Variants in PIBF1 observed in about 807,000 individuals in gnomAD.
PIBF1 encodes progesterone immunomodulatory binding factor 1.
PIBF1 carries 90 observed loss-of-function variants against 112.5 expected under a neutral mutation model. The ratio of observed to expected loss-of-function variants is 0.80; its 90% CI spans 0.67 to 0.95. The LOEUF is 0.95. Among genes scored for constraint, PIBF1 ranks in the 40% least tolerant of loss-of-function variants. The probability of loss-of-function intolerance (pLI) is 0.00; values close to 1 mark genes in which losing one functional copy is unlikely to be tolerated. For missense variants in PIBF1, 915 were observed against 852.3 expected (o/e 1.07, Z -0.92); for synonymous variants, 301 against 288.6 (o/e 1.04, Z -0.44).
At chr13:72,965,617 TAAC>T (rs2042720875) in intron 15 of PIBF1, among the ~76,000 whole-genome samples, 1 of 152,166 alleles carries the variant, frequency 6.6e-6, no homozygotes, top group African/African-American at 2.4e-5. Context: ...AGCATGGAAA[TAAC>T]AATGTTACAC....
chr13:72,995,635 C>A (rs1382001644), intron 16 of PIBF1, among the ~76,000 whole-genome samples: 1 of 152,030 alleles, frequency 6.6e-6, no homozygotes, highest in East Asian at 1.9e-4. Context: ...AAACTTTAAA[C>A]CAATCAAAGA....
At chr13:72,878,133 A>G (rs1048320552) in intron 10 of PIBF1, among the ~76,000 whole-genome samples, 3 of 151,768 alleles carry the variant, frequency 2.0e-5, no homozygotes, top group African/African-American at 7.3e-5. Flanking sequence ...TTTTTTTTCA[A>G]AGAACCACTT....
intron 14 of PIBF1, among the ~76,000 whole-genome samples, chr13:72,937,547 C>T (rs1026285581): frequency 1.3e-5 from 2 of 152,140 alleles, no homozygotes; most frequent in Admixed American, 1.3e-4. Flanking sequence ...AGGCTGGGCA[C>T]AGTGGCTCAT....
chr13:72,915,500 A>G (rs1162890565), intron 12 of PIBF1, among the ~76,000 whole-genome samples: 3 of 152,196 alleles, frequency 2.0e-5, no homozygotes, highest in Non-Finnish European at 2.9e-5. Context: ...CACATTTAGC[A>G]TGTCCATTAA....
rs987974976 is a variant in PIBF1 at position 72,893,933 on chromosome 13, A to G, written c.1472A>G (p.Tyr491Cys). Residue 491 changes from tyrosine to cysteine, a missense_variant, in exon 11 of 18, where the codon TAT (tyrosine) becomes TGT (cysteine). Tyr to Cys is a radical substitution (Grantham distance 194, BLOSUM62 -2). Coordinates refer to ENST00000326291, the MANE Select transcript of PIBF1 (RefSeq NM_006346.4). ...LTQCQLECEK[Y>C]QKKLEVLTKE... ...CAGTGTCAATTGGAATGTGAAAAAT[A>G]TCAGAAAAAATTGGAGGTACATGTA... is the stretch of plus-strand genomic sequence containing the variant. 3.8e-6 allele frequency: 6 copies of G among 1,598,316 alleles called. No individual in the cohort carries two copies. The highest frequency in any genetic ancestry group is 5.1e-6 in the Non-Finnish European group (6 of 1,173,058).
intron 5 of PIBF1, among the ~76,000 whole-genome samples, chr13:72,806,205 T>A (rs1182812016): frequency 6.6e-6 from 1 of 152,102 alleles, no homozygotes; most frequent in Non-Finnish European, 1.5e-5. Flanking sequence ...ATTCTCCCTC[T>A]CCCCTCCCCC....
intron 14 of PIBF1, among the ~76,000 whole-genome samples, chr13:72,953,684 AG>A (rs1473135148): frequency 6.6e-6 from 1 of 152,196 alleles, no homozygotes; most frequent in African/African-American, 2.4e-5. Context: ...GAGGCAATGC[AG>A]GCAATGGCAA....
chr13:72,996,643 C>T (rs902971286), intron 16 of PIBF1, among the ~76,000 whole-genome samples: 1 of 151,958 alleles, frequency 6.6e-6, no homozygotes, highest in African/African-American at 2.4e-5. Context: ...TAAAAATTAG[C>T]TGGGTGTGGG....
chr13:72,785,552 C>T (rs1479608778), intron 2 of PIBF1, among the ~76,000 whole-genome samples: 1 of 152,194 alleles, frequency 6.6e-6, no homozygotes, highest in Non-Finnish European at 1.5e-5. Flanking sequence ...CTATACTCTA[C>T]ACAAGTGAAG....
chr13:72,934,518 A>G (rs1307553867), intron 14 of PIBF1, among the ~76,000 whole-genome samples: 1 of 151,956 alleles, frequency 6.6e-6, no homozygotes, highest in Non-Finnish European at 1.5e-5. Context: ...AGGCTGGTTC[A>G]GGATCTCTAT....
intron 9 of PIBF1, among the ~76,000 whole-genome samples, chr13:72,843,297 C>T (rs558017266): frequency 3.2e-4 from 49 of 152,264 alleles, no homozygotes; most frequent in Middle Eastern, 3.4e-3. Context: ...TTAAAGAATA[C>T]GTAGGAGAAT....
intron 10 of PIBF1, among the ~76,000 whole-genome samples, chr13:72,858,698 G>GT (rs748660644): frequency 6.6e-6 from 1 of 151,968 alleles, no homozygotes; most frequent in African/African-American, 2.4e-5. Flanking sequence ...CTTACAATGT[G>GT]TTTTTTTCTT....
intron 9 of PIBF1, among the ~76,000 whole-genome samples, chr13:72,841,431 A>G (rs9543139): frequency 0.1 from 15,620 of 152,252 alleles, 1,090 homozygotes; most frequent in Non-Finnish European, 0.15. Context: ...CTAGCTCAGC[A>G]GATAAGTCAC....
At position 72,843,703 on chromosome 13, in the gene PIBF1, C is replaced by T. The variant is rs1424977590; in HGVS notation, c.1223+8335C>T. Among the ~76,000 whole-genome samples, 9 of 152,176 alleles carry T rather than the reference C, an allele frequency of 5.9e-5. No homozygotes were observed. The East Asian group carries it at 9.6e-4, about 16-fold the overall frequency. The stretch of plus-strand genomic sequence containing the variant: ...CTGGGGTTACAGGCATGAGCCACCG[C>T]GCCTGGCCTAATTTCTGATCTTTTA... On this transcript the variant is annotated intron_variant, in intron 9 of 17. Coordinates refer to ENST00000326291, the MANE Select transcript of PIBF1 (RefSeq NM_006346.4).
chr13:72,880,274 C>T (rs2039572346), intron 10 of PIBF1, among the ~76,000 whole-genome samples: 1 of 152,040 alleles, frequency 6.6e-6, no homozygotes, highest in African/African-American at 2.4e-5. Flanking sequence ...TCCAAAATTC[C>T]AATATTTTAA....
chr13:72,893,324 C>T (rs1255713436), intron 10 of PIBF1, among the ~76,000 whole-genome samples: 2 of 151,888 alleles, frequency 1.3e-5, no homozygotes, highest in Non-Finnish European at 2.9e-5. Context: ...TGTATATGTA[C>T]TAAGTTTATT....
chr13:72,944,991 T>C (rs2042112520), intron 14 of PIBF1, among the ~76,000 whole-genome samples: 2 of 152,154 alleles, frequency 1.3e-5, no homozygotes, highest in African/African-American at 2.4e-5. Context: ...TAATTGCTAC[T>C]GTCACCCAGG....
intron 11 of PIBF1, among the ~76,000 whole-genome samples, chr13:72,894,982 G>A (rs1455195491): frequency 6.6e-6 from 1 of 151,166 alleles, no homozygotes; most frequent in Admixed American, 6.6e-5. Flanking sequence ...GTAAAAGTTA[G>A]GTGTGGTGGC....
chr13:72,826,936 G>A, intron 6 of PIBF1, 74 bp from the exon 7 acceptor site: 1 of 766,388 alleles, frequency 1.3e-6, no homozygotes, highest in Non-Finnish European at 2.1e-6. Context: ...CTAATACATA[G>A]TCAACCCTTT....
Sources: gnomAD v4.1 joint callset for allele counts (sites outside exome capture counted in the v4.1 genomes callset) on GRCh38, gnomAD v4.1.1 for gene constraint, MANE v1.5 for transcripts, NCBI Gene and HGNC (gene_info 2026-07-23, HGNC 2026-07-21) for gene names.